Variants in DOCK7 observed in about 807,000 individuals in gnomAD.
DOCK7 encodes dedicator of cytokinesis protein 7.
A neutral mutation model predicts 271.0 loss-of-function variants in DOCK7; 138 were observed. That is an observed-to-expected ratio of 0.51 (90% CI 0.44 to 0.59). DOCK7 has a LOEUF of 0.59. Among genes scored for constraint, DOCK7 ranks in the 20% least tolerant of loss-of-function variants. The pLI, the probability that DOCK7 is intolerant of heterozygous loss-of-function variation, is 0.00. For synonymous variants in DOCK7, 823 were observed against 876.1 expected (o/e 0.94, Z 1.07); for missense variants, 2,066 against 2,592.4 (o/e 0.80, Z 4.41).
At chr1:62,547,750 G>A (rs1364021902) in intron 22 of DOCK7, among the ~76,000 whole-genome samples, 5 of 152,136 alleles carry the variant, frequency 3.3e-5, no homozygotes, top group Non-Finnish European at 2.9e-5. Flanking sequence ...AGAAAGCACA[G>A]CTAGTTTTGG....
At position 62,504,726 on chromosome 1, in the gene DOCK7, C is replaced by T. The variant is rs115353638; in HGVS notation, c.4668G>A (p.Arg1556=). ...TGCTACTGCTACAGTGTCGGAGAAGCCTGAGGCATAAATCAGCACACTGCT... is the reference window on the plus strand; with the variant it reads ...TGCTACTGCTACAGTGTCGGAGAAGTCTGAGGCATAAATCAGCACACTGCT... ...ETEQCADLCL[R]LLRHCSSSIG... The change falls in exon 37 of 50, where the codon AGG becomes AGA. Residue 1556 remains arginine (R), a synonymous_variant. Transcript: ENST00000635253. The T allele has an allele frequency of 1.4e-3, 2,234 of 1,614,056 alleles. 2 individuals are homozygous for T. The highest frequency in any genetic ancestry group is 1.8e-3 in the Middle Eastern group (11 of 6,062).
At position 62,688,328 on chromosome 1, in the gene DOCK7, C is replaced by T; in HGVS notation, c.-64G>A. On this transcript the variant is annotated 5_prime_UTR_variant, in exon 1 of 50. Coordinates refer to ENST00000635253, the MANE Select transcript of DOCK7 (RefSeq NM_001367561.1). Reference sequence around the variant, plus strand: ...CGGGCCGGGTGCGGACCGGCGGGCGCGTGCCTCCTCGCTCGTGCTCCCTCC... The same window carrying T: ...CGGGCCGGGTGCGGACCGGCGGGCGTGTGCCTCCTCGCTCGTGCTCCCTCC... The T allele has an allele frequency of 1.8e-6, 2 of 1,084,922 alleles. No homozygotes were observed. The highest frequency in any genetic ancestry group is 2.3e-6 in the Non-Finnish European group (2 of 867,950). The allele number at this position is 1,084,922 out of a possible 1,614,324, so 67.2% of individuals were successfully genotyped here. A position where few individuals can be genotyped will look rare whatever the true frequency, so the allele number is the denominator to read the frequency against.
intron 14 of DOCK7, chr1:62,598,954 A>C (rs924776529): frequency 1.6e-5 from 10 of 627,306 alleles, no homozygotes; most frequent in Non-Finnish European, 2.9e-5. Flanking sequence ...TGAAGCTAAT[A>C]AACTACCTGC....
intron 48 of DOCK7, chr1:62,460,829 G>A (rs1645502750): frequency 6.6e-6 from 1 of 151,836 alleles, no homozygotes. Flanking sequence ...GCTAATTTTT[G>A]TAGTTTTAGC....
intron 1 of DOCK7, among the ~76,000 whole-genome samples, chr1:62,678,976 C>T (rs1660822703): frequency 6.6e-6 from 1 of 152,068 alleles, no homozygotes; most frequent in African/African-American, 2.4e-5. Context: ...ACATTGATGC[C>T]TGTATCAAAA....
At chr1:62,560,261 G>A (rs1299874145) in intron 19 of DOCK7, among the ~76,000 whole-genome samples, 4 of 152,112 alleles carry the variant, frequency 2.6e-5, no homozygotes, top group Admixed American at 2.0e-4. Context: ...TCTGTGTATA[G>A]GTTAGTGAAG....
At chr1:62,475,377 C>T (rs756714470) in intron 46 of DOCK7, 26 bp from the exon 47 acceptor site, 1 of 1,608,596 alleles carries the variant, frequency 6.2e-7, no homozygotes, top group African/African-American at 1.3e-5. Context: ...TCTGTTAAAT[C>T]AGTGTACTGA....
intron 1 of DOCK7, among the ~76,000 whole-genome samples, chr1:62,664,416 G>A (rs975957153): frequency 1.3e-5 from 2 of 152,060 alleles, no homozygotes; most frequent in Non-Finnish European, 2.9e-5. Flanking sequence ...ATTCTCTCCA[G>A]CCACCATGTA....
intron 47 of DOCK7, among the ~76,000 whole-genome samples, chr1:62,474,603 T>C (rs1216758249): frequency 6.6e-6 from 1 of 152,236 alleles, no homozygotes; most frequent in Non-Finnish European, 1.5e-5. Context: ...GGTATTTATT[T>C]CAGTTTTGGT....
chr1:62,508,141 A>G (rs1646997331), intron 34 of DOCK7, 83 bp from the exon 35 acceptor site: 1 of 1,248,918 alleles, frequency 8.0e-7, no homozygotes, highest in East Asian at 2.7e-5. Flanking sequence ...ATAGAAATAA[A>G]AAATTTCAAA....
intron 31 of DOCK7, among the ~76,000 whole-genome samples, chr1:62,518,695 GCACCACTGCACTC>G (rs1644750657): frequency 6.6e-6 from 1 of 151,822 alleles, no homozygotes; most frequent in Non-Finnish European, 1.5e-5. Context: ...AGCCAAGACT[GCACCACTGCACTC>G]CAGCCTGGGT....
Position 62,488,924 on chromosome 1 carries a change from G to C in DOCK7, c.5493+10C>G. The stretch of plus-strand genomic sequence containing the variant: ...CCCTTTATAGTGAAGCTAGAAATTG[G>C]AATCATTACCTGATGAACAATTTTG... On this transcript the variant is annotated intron_variant, in intron 42 of 49. Coordinates refer to ENST00000635253, the MANE Select transcript of DOCK7 (RefSeq NM_001367561.1). 6.2e-7 allele frequency: 1 copy of C among 1,613,450 alleles called. No homozygotes were observed. The highest frequency in any genetic ancestry group is 8.5e-7 in the Non-Finnish European group (1 of 1,179,728).
rs1429934500 is a variant in DOCK7, at chr1:62,481,828, C to T, written c.5509-4003G>A. On this transcript the variant is annotated intron_variant, in intron 43 of 49. Coordinates refer to ENST00000635253, the MANE Select transcript of DOCK7 (RefSeq NM_001367561.1). ...TGTCTTTATTTAGCAAGAAACATTCCGATGGACTAGTTGTATATTTCCACA... is the reference window on the plus strand; with the variant it reads ...TGTCTTTATTTAGCAAGAAACATTCTGATGGACTAGTTGTATATTTCCACA... The T allele has an allele frequency of 2.0e-5, 3 of 152,150 alleles. No individual in the cohort carries two copies. The East Asian group carries it at 5.8e-4, about 29-fold the overall frequency. The allele number at this position is 152,150 out of a possible 1,614,324, so 9.4% of individuals were successfully genotyped here.
chr1:62,664,214 T>G (rs1571944962), intron 1 of DOCK7, among the ~76,000 whole-genome samples: 1 of 152,156 alleles, frequency 6.6e-6, no homozygotes, highest in Non-Finnish European at 1.5e-5. Context: ...TAGGGTGATA[T>G]GGTTTAACTG....
rs1645305512 is a variant in DOCK7, at chr1:62,454,906, CTA to C, written c.*506_*507del. 3.5e-6 allele frequency: 1 copy of C among 282,314 alleles called. No homozygotes were observed. Among genetic ancestry groups the C allele is most frequent in the African/African-American group, 2.2e-5 (1 of 46,470 alleles). The allele number at this position is 282,314 out of a possible 1,614,324, so 17.5% of individuals were successfully genotyped here. ...ACCAAACTCATTAATTTGGGGCTAT[CTA>C]TGATTTTTATTCTGCTAGGTTTGGA... On this transcript the variant is annotated 3_prime_UTR_variant, in exon 50 of 50. Coordinates refer to ENST00000635253, the MANE Select transcript of DOCK7 (RefSeq NM_001367561.1).
At position 62,498,822 on chromosome 1, in the gene DOCK7, G is replaced by A. The variant is rs140088174; in HGVS notation, c.4765-2325C>T. Among the ~76,000 whole-genome samples, 1,145 of 148,280 alleles carry A rather than the reference G, an allele frequency of 7.7e-3. 20 individuals carry two copies. The highest frequency in any genetic ancestry group is 0.026 in the African/African-American group (1,056 of 40,232). On this transcript the variant is annotated intron_variant, in intron 37 of 49. Coordinates refer to ENST00000635253, the MANE Select transcript of DOCK7 (RefSeq NM_001367561.1). The stretch of plus-strand genomic sequence containing the variant: ...CCATTTCTTTCTTTTTTTTTTTTGA[G>A]ACAGAGTCTTACTCTGTCACCCAGG...
At chr1:62,534,683 C>T (rs1016321977) in intron 29 of DOCK7, among the ~76,000 whole-genome samples, 1 of 152,110 alleles carries the variant, frequency 6.6e-6, no homozygotes, top group African/African-American at 2.4e-5. Flanking sequence ...TTTCTAACTA[C>T]ATCAATTTCC....
Position 62,619,974 on chromosome 1 carries a change from T to C in DOCK7, c.1445A>G (p.Asp482Gly), listed in dbSNP as rs1204468694. 8 of 1,613,600 alleles carry C rather than the reference T, an allele frequency of 5.0e-6. No homozygotes were observed. The highest frequency in any genetic ancestry group is 2.7e-5 in the African/African-American group (2 of 74,892). Reference protein sequence around the residue: ...FFKQEGDRLSDEDLYKFLADM... With the variant: ...FFKQEGDRLSGEDLYKFLADM... ...AGCAAGGAATTTGTAGAGATCTTCA[T>C]CACTTAAGCGGTCTCCTTCCTGATT... Residue 482 changes from aspartate (D) to glycine (G), a missense_variant, in exon 13 of 50, where the codon GAT (aspartate) becomes GGT (glycine). Physicochemically the swap from Asp to Gly is moderately conservative, Grantham distance 94. This residue lies in a region of DOCK7 where 1,414 missense variants were observed against 1,670.4 expected (regional missense o/e 0.85). Transcript: ENST00000635253.
At chr1:62,619,798 C>A in intron 13 of DOCK7, 102 bp downstream of exon 13, 1 of 612,094 alleles carries the variant, frequency 1.6e-6, no homozygotes, top group South Asian at 2.8e-5. Context: ...AGAAAAATGT[C>A]TGGGCCAGAT....
Sources: allele counts gnomAD v4.1 joint callset (sites outside exome capture counted in the v4.1 genomes callset), GRCh38; gene constraint gnomAD v4.1.1; regional missense constraint gnomAD v4.1.1; transcripts MANE v1.5; gene names NCBI Gene and HGNC (gene_info 2026-07-23, HGNC 2026-07-21).